The following ADAM18 variants were observed in gnomAD, a reference collection of about 807,000 sequenced individuals.
ADAM18 encodes the protein ADAM metallopeptidase domain 18, also known as disintegrin and metalloproteinase domain-containing protein 18.
A neutral mutation model predicts 94.4 loss-of-function variants in ADAM18; 117 were observed. The observed-to-expected ratio is 1.24, with a 90% CI of 1.07 to 1.45. The LOEUF is 1.45. ADAM18 is among the 40% of genes most tolerant of loss of function. ADAM18 has a pLI of 0.00. For synonymous variants in ADAM18, 327 were observed against 291.6 expected (o/e 1.12, Z -1.24); for missense variants, 936 against 880.0 (o/e 1.06, Z -0.81).
chr8:39,637,684 G>C lies in ADAM18; in HGVS notation c.808G>C (p.Asp270His). 6.2e-7 allele frequency: 1 copy of C among 1,606,628 alleles called. No individual in the cohort carries two copies. The highest frequency in any genetic ancestry group is 8.5e-7 in the Non-Finnish European group (1 of 1,176,598). Residue 270 changes from aspartate to histidine, a missense_variant, in exon 9 of 20, where the codon GAC becomes CAC. Physicochemically the swap from Asp to His is moderately conservative, Grantham distance 81. Coordinates refer to ENST00000265707, the MANE Select transcript of ADAM18 (RefSeq NM_014237.3). ...GGACTATCTCATCCTACGGCCCCAT[G>C]ACATAGCATACTTACTTGTGTAAGC... ...KRDYLILRPH[D>H]IAYLLVYRKH...
rs375872600 is a variant in ADAM18, at chr8:39,645,414, A to G, written c.986A>G (p.Tyr329Cys). The change falls in exon 11 of 20, where the codon TAT (tyrosine) becomes TGT (cysteine). Residue 329 changes from tyrosine (Y) to cysteine (C), a missense_variant. Physicochemically the swap from Tyr to Cys is radical, Grantham distance 194. Coordinates refer to ENST00000265707, the MANE Select transcript of ADAM18 (RefSeq NM_014237.3). ...QLLGLNVGLT[Y>C]DDITQCFCLR... The stretch of plus-strand genomic sequence containing the variant: ...CTTGGCCTTAATGTAGGATTAACAT[A>G]TGATGACATCACTCAGTGTTTCTGT... 1 of 1,612,718 alleles carries G rather than the reference A, an allele frequency of 6.2e-7. No homozygotes were observed.
intron 7 of ADAM18, among the ~76,000 whole-genome samples, chr8:39,631,094 A>T (rs186214403): frequency 6.6e-6 from 1 of 152,050 alleles, no homozygotes; most frequent in East Asian, 1.9e-4. Flanking sequence ...TTCCTTATAT[A>T]TTCCAAATAT....
chr8:39,584,916 G>A (rs1818353591), intron 1 of ADAM18, among the ~76,000 whole-genome samples: 1 of 152,124 alleles, frequency 6.6e-6, no homozygotes, highest in African/African-American at 2.4e-5. Flanking sequence ...CACACGCAGT[G>A]CGTCTTCTGG....
At chr8:39,710,550 C>A (rs573029847) in intron 18 of ADAM18, among the ~76,000 whole-genome samples, 2 of 152,292 alleles carry the variant, frequency 1.3e-5, no homozygotes, top group East Asian at 3.9e-4. Flanking sequence ...AACAAGGCTG[C>A]AAGTCCAGGC....
intron 18 of ADAM18, among the ~76,000 whole-genome samples, chr8:39,714,737 A>G (rs556577325): frequency 6.6e-5 from 10 of 152,264 alleles, no homozygotes; most frequent in African/African-American, 2.4e-4. Context: ...TAAGTATAGT[A>G]AGTCCTCACT....
At chr8:39,620,668 C>A (rs1391539537) in intron 6 of ADAM18, among the ~76,000 whole-genome samples, 1 of 145,600 alleles carries the variant, frequency 6.9e-6, no homozygotes, top group Non-Finnish European at 1.5e-5. Flanking sequence ...AAAAATATAA[C>A]TATATATTAA....
intron 1 of ADAM18, among the ~76,000 whole-genome samples, chr8:39,585,064 A>G (rs1818358062): frequency 1.3e-5 from 2 of 151,870 alleles, no homozygotes; most frequent in Admixed American, 1.3e-4. Context: ...TGCAATGTCT[A>G]ATTTTTTTTT....
intron 12 of ADAM18, among the ~76,000 whole-genome samples, chr8:39,660,359 G>A (rs1018854484): frequency 5.9e-5 from 9 of 152,104 alleles, no homozygotes; most frequent in South Asian, 2.1e-4. Flanking sequence ...CAGGAGCCTA[G>A]CTTTAGCTTT....
At chr8:39,707,278 C>A (rs1822266737) in intron 18 of ADAM18, among the ~76,000 whole-genome samples, 1 of 152,174 alleles carries the variant, frequency 6.6e-6, no homozygotes, top group African/African-American at 2.4e-5. Flanking sequence ...CACAGCCTCT[C>A]CAGCAATTTT....
chr8:39,660,838 A>T (rs755260337), intron 12 of ADAM18, among the ~76,000 whole-genome samples: 6 of 152,206 alleles, frequency 3.9e-5, no homozygotes, highest in Non-Finnish European at 8.8e-5. Flanking sequence ...AATCTGTGCA[A>T]TATTAATGCA....
Position 39,645,864 on chromosome 8 carries a change from A to T in ADAM18, c.1046+390A>T, listed in dbSNP as rs1820361748. On this transcript the variant is annotated intron_variant, in intron 11 of 19. Transcript: ENST00000265707. Reference sequence around the variant, plus strand: ...ATAACTTCTGAGTCCATATCTATTTATACACTAATTTTGTGTGAAGAGATT... The same window carrying T: ...ATAACTTCTGAGTCCATATCTATTTTTACACTAATTTTGTGTGAAGAGATT... Among the ~76,000 whole-genome samples the T allele has an allele frequency of 1.3e-5, 2 of 152,164 alleles. 1 individual carries two copies. Among genetic ancestry groups the T allele is most frequent in the South Asian group, 4.1e-4 (2 of 4,830 alleles).
At chr8:39,645,073 T>G (rs568446126) in intron 10 of ADAM18, among the ~76,000 whole-genome samples, 134 of 152,278 alleles carry the variant, frequency 8.8e-4, no homozygotes, top group African/African-American at 3.0e-3. Flanking sequence ...TGTTGTATTG[T>G]ATCAGAAATA....
intron 16 of ADAM18, among the ~76,000 whole-genome samples, chr8:39,684,643 G>T (rs919648924): frequency 6.6e-6 from 1 of 152,122 alleles, no homozygotes; most frequent in Non-Finnish European, 1.5e-5. Flanking sequence ...CCCTGGTGGG[G>T]GCTGTCTGTG....
chr8:39,633,468 T>A (rs1233200534), intron 7 of ADAM18, among the ~76,000 whole-genome samples: 4 of 152,150 alleles, frequency 2.6e-5, no homozygotes, highest in Non-Finnish European at 4.4e-5. Flanking sequence ...ATTACTTAAG[T>A]GGTCATGAAC....
chr8:39,637,196 C>T lies in ADAM18; in HGVS notation c.589-68C>T, dbSNP rs147766116. ...ATTACTTATAATATCTAATACAATG[C>T]CTAAATATCATTTCATTCACATGGA... On this transcript the variant is annotated intron_variant, in intron 7 of 19. Transcript: ENST00000265707. The T allele has an allele frequency of 5.3e-3, 6,501 of 1,218,504 alleles. 30 individuals carry two copies. Among genetic ancestry groups the T allele is most frequent in the Non-Finnish European group, 5.8e-3 (5,002 of 855,852 alleles). The allele number at this position is 1,218,504 out of a possible 1,614,324, so 75.5% of individuals were successfully genotyped here. A position where few individuals can be genotyped will look rare whatever the true frequency, so the allele number is the denominator to read the frequency against.
At chr8:39,587,846 C>A (rs1473484335) in intron 2 of ADAM18, among the ~76,000 whole-genome samples, 4 of 152,164 alleles carry the variant, frequency 2.6e-5, no homozygotes, top group Non-Finnish European at 4.4e-5. Context: ...TCTGTGGGTT[C>A]ATTCACGTCT....
chr8:39,681,906 A>C (rs1821472284), intron 16 of ADAM18, among the ~76,000 whole-genome samples: 1 of 152,208 alleles, frequency 6.6e-6, no homozygotes, highest in Non-Finnish European at 1.5e-5. Context: ...ATAATATAAT[A>C]AGAAATGAAA....
intron 17 of ADAM18, among the ~76,000 whole-genome samples, chr8:39,705,272 G>A (rs913557654): frequency 1.1e-4 from 16 of 152,022 alleles, no homozygotes; most frequent in African/African-American, 3.1e-4. Flanking sequence ...CAATTGTTAC[G>A]TAATCTCCAA....
intron 18 of ADAM18, among the ~76,000 whole-genome samples, chr8:39,714,568 G>A (rs1032030065): frequency 9.2e-5 from 14 of 152,064 alleles, no homozygotes; most frequent in Admixed American, 3.3e-4. Flanking sequence ...GTAAAAAATT[G>A]GAGAAAGATC....
Sources: allele counts gnomAD v4.1 joint callset (sites outside exome capture counted in the v4.1 genomes callset), GRCh38; gene constraint gnomAD v4.1.1; transcripts MANE v1.5; gene names NCBI Gene and HGNC (gene_info 2026-07-23, HGNC 2026-07-21).